Variants in ALK observed in about 807,000 individuals in gnomAD.
The protein encoded by ALK is ALK tyrosine kinase receptor.
A neutral mutation model predicts 163.1 loss-of-function variants in ALK; 74 were observed. The ratio of observed to expected loss-of-function variants is 0.45; its 90% CI spans 0.38 to 0.55. ALK has a LOEUF of 0.55. Among genes scored for constraint, ALK ranks in the 20% least tolerant of loss-of-function variants. The pLI is 0.00. For missense variants in ALK, 2,063 were observed against 2,105.3 expected, an observed-to-expected ratio of 0.98 and a Z score of 0.39; for synonymous variants, 960 against 843.2, an observed-to-expected ratio of 1.14 and a Z score of -2.40.
chr2:29,590,271 G>T (rs79580267), intron 3 of ALK, among the ~76,000 whole-genome samples: 33 of 152,076 alleles, frequency 2.2e-4, no homozygotes, highest in African/African-American at 7.5e-4. Flanking sequence ...GATTGAAAAC[G>T]GGTCACTAAT....
intron 5 of ALK, among the ~76,000 whole-genome samples, chr2:29,357,941 G>A (rs183249611): frequency 8.5e-5 from 13 of 152,310 alleles, no homozygotes; most frequent in African/African-American, 2.6e-4. Context: ...ATCTCCCTGT[G>A]TACTAATCAC....
At chr2:29,501,994 G>A (rs909013422) in intron 4 of ALK, among the ~76,000 whole-genome samples, 1 of 152,208 alleles carries the variant, frequency 6.6e-6, no homozygotes, top group African/African-American at 2.4e-5. Context: ...TGTAGCAGGT[G>A]TCAGAATTTC....
chr2:29,334,371 G>C (rs1467780657), intron 5 of ALK, among the ~76,000 whole-genome samples: 1 of 152,168 alleles, frequency 6.6e-6, no homozygotes, highest in Non-Finnish European at 1.5e-5. Context: ...GTATTAGCTG[G>C]GGAAGGTCTC....
At chr2:29,456,493 T>C (rs1012967661) in intron 4 of ALK, among the ~76,000 whole-genome samples, 8 of 152,042 alleles carry the variant, frequency 5.3e-5, no homozygotes, top group African/African-American at 1.9e-4. Flanking sequence ...ACCACTTACA[T>C]GAGGTATGTA....
At chr2:29,875,237 C>T (rs920974721) in intron 1 of ALK, among the ~76,000 whole-genome samples, 1 of 151,996 alleles carries the variant, frequency 6.6e-6, no homozygotes, top group Non-Finnish European at 1.5e-5. Context: ...AGAAAGTAGA[C>T]TAGAGGTTAC....
intron 4 of ALK, among the ~76,000 whole-genome samples, chr2:29,431,049 A>G (rs935132970): frequency 6.6e-6 from 1 of 151,932 alleles, no homozygotes; most frequent in East Asian, 1.9e-4. Flanking sequence ...AGTTCTTAGA[A>G]ACATAATCAC....
Position 29,725,154 on chromosome 2 carries a change from C to CAAAAAAAAA in ALK, c.668-7466_668-7458dup, listed in dbSNP as rs757959526. ...TGGTTACCTTCAGGCTATCCTATAC[C>CAAAAAAAAA]AAAAAAAAAAAAAAAAAAAGGAATC... On this transcript the variant is annotated intron_variant, in intron 1 of 28. Coordinates refer to ENST00000389048, the MANE Select transcript of ALK (RefSeq NM_004304.5). Among the ~76,000 whole-genome samples, 367 of 67,136 alleles carry CAAAAAAAAA rather than the reference C, an allele frequency of 5.5e-3. 7 individuals are homozygous for CAAAAAAAAA. Among genetic ancestry groups the CAAAAAAAAA allele is most frequent in the African/African-American group, 0.016 (234 of 14,568 alleles). The allele number at this position is 67,136 out of a possible 152,430, so 44.0% of individuals were successfully genotyped here.
chr2:29,899,540 C>G (rs1667356328), intron 1 of ALK: 1 of 152,234 alleles, frequency 6.6e-6, no homozygotes, highest in African/African-American at 2.4e-5. Flanking sequence ...ATACCACACC[C>G]CTAGGGCTGG....
chr2:29,863,845 A>G (rs1001260724), intron 1 of ALK, among the ~76,000 whole-genome samples: 1 of 152,146 alleles, frequency 6.6e-6, no homozygotes, highest in African/African-American at 2.4e-5. Context: ...TTGCAGTATT[A>G]TTAACCTTCC....
chr2:29,279,191 G>A (rs1665643431), intron 9 of ALK, among the ~76,000 whole-genome samples: 1 of 152,196 alleles, frequency 6.6e-6, no homozygotes, highest in African/African-American at 2.4e-5. Flanking sequence ...AGTGCTCTGC[G>A]CGGCGACAGC....
chr2:29,265,168 T>C (rs1375515276), intron 11 of ALK, among the ~76,000 whole-genome samples: 1 of 152,122 alleles, frequency 6.6e-6, no homozygotes. Flanking sequence ...TACAGGCACA[T>C]ACCACCACAC....
At chr2:29,293,852 CG>C (rs1666105246) in intron 9 of ALK, among the ~76,000 whole-genome samples, 1 of 14,272 alleles carries the variant, frequency 7.0e-5, no homozygotes, top group African/African-American at 1.1e-4. Flanking sequence ...TTTCCAATAC[CG>C]TTGACTAGAG....
intron 3 of ALK, among the ~76,000 whole-genome samples, chr2:29,655,952 C>G (rs1421171729): frequency 6.6e-6 from 1 of 152,110 alleles, no homozygotes; most frequent in Non-Finnish European, 1.5e-5. Context: ...CTACTAAATG[C>G]CTGTGTCCAT....
chr2:29,498,115 TTA>T (rs1242560871), intron 4 of ALK, among the ~76,000 whole-genome samples: 1 of 152,182 alleles, frequency 6.6e-6, no homozygotes, highest in African/African-American at 2.4e-5. Context: ...TGATAAAGAA[TTA>T]TGAGTCTCAG....
intron 4 of ALK, among the ~76,000 whole-genome samples, chr2:29,464,341 A>G (rs1671155140): frequency 6.6e-6 from 1 of 152,234 alleles, no homozygotes; most frequent in South Asian, 2.1e-4. Context: ...AACCTTTTCC[A>G]TAAAGAACTG....
chr2:29,847,178 G>A (rs4461225), intron 1 of ALK, among the ~76,000 whole-genome samples: 65,048 of 151,946 alleles, frequency 0.43, 14,187 homozygotes, highest in Middle Eastern at 0.47. Flanking sequence ...ACGATACCTC[G>A]GTATTCTCAT....
At chr2:29,561,820 G>A (rs1327046824) in intron 3 of ALK, among the ~76,000 whole-genome samples, 2 of 152,150 alleles carry the variant, frequency 1.3e-5, no homozygotes, top group African/African-American at 2.4e-5. Flanking sequence ...AAATGACCGG[G>A]GCCGGGCATG....
chr2:29,685,765 A>T (rs561497343), intron 3 of ALK, among the ~76,000 whole-genome samples: 1 of 152,318 alleles, frequency 6.6e-6, no homozygotes, highest in African/African-American at 2.4e-5. Context: ...CAACTATATT[A>T]TCTTTTGGTT....
At chr2:29,787,463 C>T (rs1188157870) in intron 1 of ALK, among the ~76,000 whole-genome samples, 1 of 152,206 alleles carries the variant, frequency 6.6e-6, no homozygotes, top group Non-Finnish European at 1.5e-5. Context: ...ACTTACTGGA[C>T]TCATACTACA....
Sources: gnomAD v4.1 joint callset for allele counts (sites outside exome capture counted in the v4.1 genomes callset) on GRCh38, gnomAD v4.1.1 for gene constraint, MANE v1.5 for transcripts, NCBI Gene and HGNC (gene_info 2026-07-23, HGNC 2026-07-21) for gene names.